MYO3B: variants seen among roughly 807,000 people sequenced by gnomAD.
MYO3B encodes myosin IIIB, also known as myosin-IIIb.
MYO3B carries 156 observed loss-of-function variants against 174.6 expected under a neutral mutation model. The ratio of observed to expected loss-of-function variants is 0.89; its 90% CI spans 0.78 to 1.02. MYO3B has a LOEUF of 1.02. Ranked by LOEUF, MYO3B falls within the 50% of genes least tolerant of loss-of-function variation. The pLI, the probability that MYO3B is intolerant of heterozygous loss-of-function variation, is 0.00. For missense variants in MYO3B, 1,632 were observed against 1,639.4 expected (o/e 1.00, Z 0.08); for synonymous variants, 563 against 569.1 (o/e 0.99, Z 0.15).
chr2:170,374,090 C>T (rs2094269742), intron 9 of MYO3B, among the ~76,000 whole-genome samples: 1 of 152,200 alleles, frequency 6.6e-6, no homozygotes, highest in African/African-American at 2.4e-5. Context: ...TCAGAAAATG[C>T]ACCATCACCA....
intron 25 of MYO3B, among the ~76,000 whole-genome samples, chr2:170,496,874 C>A (rs13008935): frequency 0.27 from 41,018 of 151,830 alleles, 5,829 homozygotes; most frequent in East Asian, 0.44. Flanking sequence ...GTGATCCTCC[C>A]ACTTTGGCCT....
intron 28 of MYO3B, among the ~76,000 whole-genome samples, chr2:170,505,129 C>T (rs985506559): frequency 1.3e-5 from 2 of 152,004 alleles, no homozygotes; most frequent in Non-Finnish European, 1.5e-5. Flanking sequence ...CACAAGGATA[C>T]ATTTCCTATG....
rs574676914 is a variant in MYO3B, at chr2:170,616,580, A to T, written c.3734-35048A>T. Among the ~76,000 whole-genome samples the T allele has an allele frequency of 7.9e-5, 12 of 152,336 alleles. No individual in the cohort carries two copies. The East Asian group carries it at 1.9e-3, about 24-fold the overall frequency. On this transcript the variant is annotated intron_variant, in intron 32 of 34. Coordinates refer to ENST00000408978, the MANE Select transcript of MYO3B (RefSeq NM_138995.5). ...ACATCTCCCCCTTCTCTCTGATTTA[A>T]ATGAACCATAGCAATCATAGCTTGG...
intron 30 of MYO3B, chr2:170,524,489 G>A (rs1688878690): frequency 2.2e-6 from 1 of 448,612 alleles, no homozygotes; most frequent in African/African-American, 2.0e-5. Context: ...AAGTGGTTTT[G>A]TTTTTGTTTT....
rs73016920 is a variant in MYO3B, at chr2:170,319,552, A to C, written c.750-15833A>C. ...AAAGACCCATGAGACACCATAATGC[A>C]TTACAACATACATGTAAAGGAACTT... On this transcript the variant is annotated intron_variant, in intron 7 of 34. Coordinates refer to ENST00000408978, the MANE Select transcript of MYO3B (RefSeq NM_138995.5). Among the ~76,000 whole-genome samples the C allele has an allele frequency of 6.0e-3, 917 of 152,366 alleles. 14 individuals carry two copies. Among genetic ancestry groups the C allele is most frequent in the African/African-American group, 0.021 (868 of 41,598 alleles).
At chr2:170,549,126 T>C (rs1690721097) in intron 32 of MYO3B, among the ~76,000 whole-genome samples, 1 of 152,156 alleles carries the variant, frequency 6.6e-6, no homozygotes, top group Non-Finnish European at 1.5e-5. Flanking sequence ...TTTACTTACA[T>C]TTTCTTAATG....
chr2:170,188,048 G>A (rs551297670), intron 1 of MYO3B, among the ~76,000 whole-genome samples: 2 of 152,230 alleles, frequency 1.3e-5, no homozygotes, highest in East Asian at 1.9e-4. Flanking sequence ...TGATCTGTTC[G>A]ATGCTTAAAG....
intron 8 of MYO3B, among the ~76,000 whole-genome samples, chr2:170,339,226 A>G (rs1055374569): frequency 6.6e-6 from 1 of 152,234 alleles, no homozygotes; most frequent in Non-Finnish European, 1.5e-5. Context: ...GTTTCTTTTA[A>G]CCTGAATTAT....
Position 170,610,301 on chromosome 2 carries a change from G to A in MYO3B, c.3734-41327G>A, listed in dbSNP as rs909903513. On this transcript the variant is annotated intron_variant, in intron 32 of 34. Transcript: ENST00000408978. The stretch of plus-strand genomic sequence containing the variant: ...GCTTGCAGTGAGCCGAGATCATGCC[G>A]CTGTACTCCAGCCTGGGTGACAGAG... Among the ~76,000 whole-genome samples, 6 of 151,708 alleles carry A rather than the reference G, an allele frequency of 4.0e-5. No individual in the cohort carries two copies. In the East Asian group the frequency reaches 7.8e-4, roughly 20 times the overall value.
intron 16 of MYO3B, among the ~76,000 whole-genome samples, chr2:170,399,670 A>G (rs2094463042): frequency 6.6e-6 from 1 of 152,200 alleles, no homozygotes; most frequent in Admixed American, 6.5e-5. Context: ...TAAAAGCGAT[A>G]TTCAAAAGAG....
intron 30 of MYO3B, among the ~76,000 whole-genome samples, chr2:170,529,093 T>A (rs548231852): frequency 1.3e-5 from 2 of 152,352 alleles, no homozygotes. Flanking sequence ...AAAAGTCAAT[T>A]TTTTAGTATG....
chr2:170,341,385 CGTCTT>C (rs1250873580), intron 8 of MYO3B: 1 of 152,170 alleles, frequency 6.6e-6, no homozygotes, highest in African/African-American at 2.4e-5. Context: ...TGGCTATTTA[CGTCTT>C]GTCGGATTCT....
At chr2:170,442,452 T>G (rs1386680943) in intron 22 of MYO3B, among the ~76,000 whole-genome samples, 1 of 152,080 alleles carries the variant, frequency 6.6e-6, no homozygotes. Flanking sequence ...TATTGCCCAT[T>G]TATTAATTGA....
intron 32 of MYO3B, among the ~76,000 whole-genome samples, chr2:170,569,898 C>G (rs1400204261): frequency 6.6e-6 from 1 of 150,500 alleles, no homozygotes; most frequent in Non-Finnish European, 1.5e-5. Flanking sequence ...AACTGAGAGT[C>G]ATGGAAACGT....
chr2:170,529,497 C>G (rs1323495492), intron 30 of MYO3B, among the ~76,000 whole-genome samples: 1 of 150,270 alleles, frequency 6.7e-6, no homozygotes. Flanking sequence ...CTATTTATAT[C>G]TACGTCTCTA....
intron 6 of MYO3B, 52 bp downstream of exon 6, chr2:170,217,447 C>T: frequency 2.0e-6 from 3 of 1,467,454 alleles, no homozygotes; most frequent in Non-Finnish European, 2.9e-6. Context: ...TGCCTTGGTA[C>T]TATGCCTTTT....
chr2:170,377,651 C>A (rs2094304780), intron 9 of MYO3B, among the ~76,000 whole-genome samples: 1 of 152,334 alleles, frequency 6.6e-6, no homozygotes, highest in Admixed American at 6.5e-5. Context: ...CAAGCCAAGA[C>A]TTTCCCTCTA....
chr2:170,564,402 G>T (rs1691931292), intron 32 of MYO3B, among the ~76,000 whole-genome samples: 1 of 152,220 alleles, frequency 6.6e-6, no homozygotes, highest in Non-Finnish European at 1.5e-5. Flanking sequence ...GAACCCAGGA[G>T]ATGGAGGTGG....
chr2:170,583,056 AC>A (rs1487563292), intron 32 of MYO3B, among the ~76,000 whole-genome samples: 6 of 121,306 alleles, frequency 4.9e-5, no homozygotes, highest in Admixed American at 4.2e-4. Flanking sequence ...TACCCGCCCC[AC>A]CGCCTGACAC....
Sources: allele counts gnomAD v4.1 joint callset (sites outside exome capture counted in the v4.1 genomes callset), GRCh38; gene constraint gnomAD v4.1.1; transcripts MANE v1.5; gene names NCBI Gene and HGNC (gene_info 2026-07-23, HGNC 2026-07-21).